The following PEAK1 variants were observed in gnomAD, a reference collection of about 807,000 sequenced individuals.
The protein encoded by PEAK1 is inactive tyrosine-protein kinase PEAK1.
Under a neutral mutation model 124.7 loss-of-function variants are expected in PEAK1, and 54 were observed. The observed-to-expected ratio is 0.43, with a 90% CI of 0.35 to 0.54. PEAK1 has a LOEUF of 0.54. Ranked by LOEUF, PEAK1 falls within the 20% of genes least tolerant of loss-of-function variation. PEAK1 has a pLI of 0.01. For synonymous variants in PEAK1, 719 were observed against 760.0 expected, an observed-to-expected ratio of 0.95 and a Z score of 0.89; for missense variants, 2,046 against 2,134.5, an observed-to-expected ratio of 0.96 and a Z score of 0.82.
chr15:77,247,966 T>C lies in PEAK1; in HGVS notation c.-115+4401A>G, dbSNP rs114518330. ...GTTTTGATATCACAATACTACTAAT[T>C]TTATAAAATGAGTTGGGAAGTGTTA... is the stretch of plus-strand genomic sequence containing the variant. On this transcript the variant is annotated intron_variant, in intron 6 of 9. Transcript: ENST00000682557. 5.2e-3 allele frequency among the ~76,000 whole-genome samples: 795 copies of C among 152,308 alleles called. 4 individuals are homozygous for C. The highest frequency in any genetic ancestry group is 0.018 in the African/African-American group (737 of 41,564).
At chr15:77,274,644 A>C (rs1337156154) in intron 5 of PEAK1, among the ~76,000 whole-genome samples, 1 of 152,026 alleles carries the variant, frequency 6.6e-6, no homozygotes, top group Non-Finnish European at 1.5e-5. Flanking sequence ...AAAAACTCAT[A>C]ATCAAAAAAT....
intron 1 of PEAK1, among the ~76,000 whole-genome samples, chr15:77,406,056 T>C (rs1350886857): frequency 6.6e-6 from 1 of 152,220 alleles, no homozygotes; most frequent in South Asian, 2.1e-4. Context: ...TTATGCTGCA[T>C]AGAAGAAAAT....
rs1432029782 is a variant in PEAK1 at position 77,286,287 on chromosome 15, T to C, written c.-521+136A>G. The C allele has an allele frequency of 9.6e-6, 4 of 417,250 alleles. No individual in the cohort carries two copies. The East Asian group carries it at 1.5e-4, about 15-fold the overall frequency. 25.8% of individuals were successfully genotyped at this position (417,250 alleles called of 1,614,324 possible). On this transcript the variant is annotated intron_variant, in intron 3 of 9. Transcript: ENST00000682557. The stretch of plus-strand genomic sequence containing the variant: ...AATAGTTTGAAAAGAGCATGTCTTA[T>C]TCACCTTTATCTCCTCCATACTACT...
intron 8 of PEAK1, among the ~76,000 whole-genome samples, chr15:77,141,457 C>T (rs1458009886): frequency 6.6e-6 from 1 of 152,128 alleles, no homozygotes; most frequent in Non-Finnish European, 1.5e-5. Context: ...GGGAAATATT[C>T]CCAAAATTGA....
At chr15:77,213,562 G>T (rs958435362) in intron 6 of PEAK1, among the ~76,000 whole-genome samples, 8 of 152,028 alleles carry the variant, frequency 5.3e-5, no homozygotes, top group Non-Finnish European at 8.8e-5. Context: ...GGTAGCAGTT[G>T]CCTGTAATTC....
intron 2 of PEAK1, chr15:77,353,046 C>G (rs946671043): frequency 5.9e-5 from 57 of 964,956 alleles, no homozygotes; most frequent in Non-Finnish European, 3.0e-5. Context: ...AACCATGAAC[C>G]CTCTGAGGCC....
At chr15:77,229,657 T>C (rs375035773) in intron 6 of PEAK1, among the ~76,000 whole-genome samples, 1 of 151,926 alleles carries the variant, frequency 6.6e-6, no homozygotes, top group African/African-American at 2.4e-5. Flanking sequence ...TTCTTTTTTT[T>C]TTTTTTTGAG....
At chr15:77,418,625 C>A in intron 1 of PEAK1, 1 of 985,298 alleles carries the variant, frequency 1.0e-6, no homozygotes, top group Non-Finnish European at 1.2e-6. Context: ...CCAGGCAAGT[C>A]AGAAAGTAAT....
chr15:77,303,900 A>G (rs1232858457), intron 2 of PEAK1, among the ~76,000 whole-genome samples: 1 of 152,226 alleles, frequency 6.6e-6, no homozygotes, highest in Non-Finnish European at 1.5e-5. Flanking sequence ...TGCATAAATT[A>G]TAAGGTCTGT....
chr15:77,106,269 T>C (rs908675544), downstream of PEAK1: 7 of 152,198 alleles, frequency 4.6e-5, no homozygotes, highest in African/African-American at 1.7e-4. Flanking sequence ...TATTGCCAGA[T>C]CAACTCAAAA....
chr15:77,190,631 C>T (rs1451160667), intron 6 of PEAK1, among the ~76,000 whole-genome samples: 2 of 152,176 alleles, frequency 1.3e-5, no homozygotes, highest in Non-Finnish European at 2.9e-5. Context: ...ACACCAAGCA[C>T]ACTACTTTAA....
chr15:77,334,344 G>C (rs776254171), intron 2 of PEAK1: 2 of 985,210 alleles, frequency 2.0e-6, no homozygotes, highest in Non-Finnish European at 2.4e-6. Context: ...AGTGTTTCTG[G>C]TCCTGACACC....
chr15:77,264,206 G>A (rs971734980), intron 5 of PEAK1, among the ~76,000 whole-genome samples: 5 of 152,070 alleles, frequency 3.3e-5, no homozygotes, highest in Non-Finnish European at 7.3e-5. Context: ...AGACAGGGAT[G>A]CCCTCTCTCA....
At chr15:77,106,648 G>C (rs538949653), downstream of PEAK1, 2 of 152,410 alleles carry the variant, frequency 1.3e-5, no homozygotes, top group Non-Finnish European at 2.9e-5. Flanking sequence ...ACAGGTGTGA[G>C]CCACCACATC....
intron 2 of PEAK1, among the ~76,000 whole-genome samples, chr15:77,288,567 T>C (rs1341804224): frequency 6.6e-6 from 1 of 152,250 alleles, no homozygotes; most frequent in East Asian, 1.9e-4. Context: ...AAATGGATTT[T>C]AGTAAGTCTT....
At chr15:77,240,009 C>A (rs556155172) in intron 6 of PEAK1, 1 of 227,102 alleles carries the variant, frequency 4.4e-6, no homozygotes, top group South Asian at 1.6e-4. Flanking sequence ...GCTGTGGATC[C>A]CAGAAATTAA....
rs1016486585 is a variant in PEAK1, at chr15:77,111,638, C to T, written c.*2518G>A. On this transcript the variant is annotated 3_prime_UTR_variant, in exon 10 of 10. Coordinates refer to ENST00000682557, the MANE Select transcript of PEAK1 (RefSeq NM_001385026.1). Reference sequence around the variant, plus strand: ...TGAAGAGGTGCTTGGTTTACCAGTGCTGTAAGATAATGGTAGTGGAGGTGT... The same window carrying T: ...TGAAGAGGTGCTTGGTTTACCAGTGTTGTAAGATAATGGTAGTGGAGGTGT... 1.3e-5 allele frequency: 2 copies of T among 152,026 alleles called. No homozygotes were observed. The highest frequency in any genetic ancestry group is 4.8e-5 in the African/African-American group (2 of 41,392). 9.4% of individuals were successfully genotyped at this position (152,026 alleles called of 1,614,324 possible). A position where few individuals can be genotyped will look rare whatever the true frequency, so the allele number is the denominator to read the frequency against.
At chr15:77,162,904 A>G (rs59831220) in intron 7 of PEAK1, among the ~76,000 whole-genome samples, 33,934 of 152,152 alleles carry the variant, frequency 0.22, 4,227 homozygotes, top group Middle Eastern at 0.3. Context: ...GCAAATAATG[A>G]CCAGTGTATC....
At chr15:77,339,838 T>C (rs2066425148) in intron 2 of PEAK1, among the ~76,000 whole-genome samples, 1 of 152,246 alleles carries the variant, frequency 6.6e-6, no homozygotes, top group Non-Finnish European at 1.5e-5. Flanking sequence ...GCCAGTGATC[T>C]GAGCAGACAC....
Sources: allele counts gnomAD v4.1 joint callset (sites outside exome capture counted in the v4.1 genomes callset), GRCh38; gene constraint gnomAD v4.1.1; transcripts MANE v1.5; gene names NCBI Gene and HGNC (gene_info 2026-07-23, HGNC 2026-07-21).